AEBP2: variants seen among roughly 807,000 people sequenced by gnomAD.
AEBP2 encodes zinc finger protein AEBP2.
Under a neutral mutation model 50.8 loss-of-function variants are expected in AEBP2, and 10 were observed. The observed-to-expected ratio is 0.20, with a 90% CI of 0.12 to 0.33. AEBP2 has a LOEUF of 0.33. AEBP2 is among the 10% of genes least tolerant of loss of function. The pLI, the probability that AEBP2 is intolerant of heterozygous loss-of-function variation, is 1.00. For synonymous variants in AEBP2, 296 were observed against 261.3 expected, an observed-to-expected ratio of 1.13 and a Z score of -1.28; for missense variants, 570 against 688.0, an observed-to-expected ratio of 0.83 and a Z score of 1.92.
chr12:19,416,709 C>T (rs1394592725), intron 1 of AEBP2, among the ~76,000 whole-genome samples: 6 of 151,022 alleles, frequency 4.0e-5, no homozygotes, highest in East Asian at 1.9e-4. Context: ...CTGCAGCCTC[C>T]GCTTCCTGGG....
intron 1 of AEBP2, among the ~76,000 whole-genome samples, chr12:19,419,576 G>A (rs1161659690): frequency 1.3e-5 from 2 of 151,188 alleles, no homozygotes; most frequent in Non-Finnish European, 2.9e-5. Flanking sequence ...GCGACAGAGA[G>A]AGACTCCGTC....
chr12:19,452,540 C>G (rs966661746), intron 1 of AEBP2, among the ~76,000 whole-genome samples: 2 of 151,258 alleles, frequency 1.3e-5, no homozygotes, highest in African/African-American at 4.9e-5. Context: ...CTTGAAGTAC[C>G]TGTTTCATTT....
upstream of AEBP2, among the ~76,000 whole-genome samples, chr12:19,437,853 G>A (rs902870308): frequency 2.0e-5 from 3 of 152,190 alleles, no homozygotes; most frequent in African/African-American, 4.8e-5. Context: ...CTAAGGCAGA[G>A]GATGTAATAC....
At chr12:19,445,439 C>T (rs552704432) in intron 1 of AEBP2, among the ~76,000 whole-genome samples, 13 of 149,308 alleles carry the variant, frequency 8.7e-5, no homozygotes, top group African/African-American at 3.0e-4. Context: ...GTCTCAAACT[C>T]TTGACCTCAA....
chr12:19,425,773 CAA>C (rs11317571), intron 1 of AEBP2, among the ~76,000 whole-genome samples: 13 of 47,916 alleles, frequency 2.7e-4, no homozygotes, highest in African/African-American at 3.6e-4. Flanking sequence ...GACTCCATCT[CAA>C]AAAAAAAAAA....
intron 4 of AEBP2, among the ~76,000 whole-genome samples, chr12:19,494,385 G>A (rs985601032): frequency 2.0e-5 from 3 of 151,936 alleles, no homozygotes; most frequent in East Asian, 1.9e-4. Context: ...GCAGTGAGCC[G>A]TGATCGCGCC....
chr12:19,429,978 G>T (rs1255430520), intron 1 of AEBP2, among the ~76,000 whole-genome samples: 5 of 152,212 alleles, frequency 3.3e-5, no homozygotes, highest in Middle Eastern at 3.4e-3. Flanking sequence ...CTATTTAGTT[G>T]AATTAGATCC....
rs1592714789 is a variant in AEBP2 at position 19,440,147 on chromosome 12, G to A, written c.448G>A (p.Gly150Arg). ...CCCCGGCGCCGCCAGCAGCAGCAGC[G>A]GGGATGGGGACGGCAAGGAGGGCCT... ...LSPGAASSSS[G>R]DGDGKEGLEE... Residue 150 changes from glycine (G) to arginine (R), a missense_variant, in exon 1 of 8, where the codon GGG becomes AGG. Physicochemically the swap from Gly to Arg is moderately radical, Grantham distance 125. Around this residue, in one of 2 missense-constraint regions of AEBP2, gnomAD observed 386 missense variants for 336.8 expected, o/e 1.15. Transcript: ENST00000266508. The A allele has an allele frequency of 1.3e-6, 2 of 1,507,138 alleles. No homozygotes were observed. Among genetic ancestry groups the A allele is most frequent in the East Asian group, 5.3e-5 (2 of 37,502 alleles). 93.4% of individuals were successfully genotyped at this position (1,507,138 alleles called of 1,614,324 possible).
At chr12:19,453,917 C>T (rs1948213864) in intron 1 of AEBP2, among the ~76,000 whole-genome samples, 1 of 152,116 alleles carries the variant, frequency 6.6e-6, no homozygotes, top group Admixed American at 6.5e-5. Context: ...CCCCCCTCGG[C>T]CTCCCAAAGT....
At chr12:19,448,543 A>G (rs564605255) in intron 1 of AEBP2, among the ~76,000 whole-genome samples, 2 of 152,102 alleles carry the variant, frequency 1.3e-5, no homozygotes, top group South Asian at 2.1e-4. Context: ...TGCCTTCTGC[A>G]CTCACTCAGT....
intron 1 of AEBP2, among the ~76,000 whole-genome samples, chr12:19,441,700 T>G (rs1322708447): frequency 2.0e-5 from 3 of 152,190 alleles, no homozygotes; most frequent in Non-Finnish European, 2.9e-5. Context: ...TGTATAAACC[T>G]TAGAAAAATT....
chr12:19,412,497 C>T (rs917067949), intron 1 of AEBP2, among the ~76,000 whole-genome samples: 1 of 152,008 alleles, frequency 6.6e-6, no homozygotes, highest in Non-Finnish European at 1.5e-5. Flanking sequence ...CCAGGATGGT[C>T]TCGATGTCTT....
At chr12:19,427,271 G>A (rs974805386) in intron 1 of AEBP2, among the ~76,000 whole-genome samples, 32 of 151,586 alleles carry the variant, frequency 2.1e-4, no homozygotes, top group African/African-American at 7.0e-4. Flanking sequence ...CAGCTACTCT[G>A]GAAGCTGAGG....
In AEBP2 at chr12:19,446,621, A is replaced by G. The variant is rs544295965; in HGVS notation, c.671+6251A>G. ...GTGGCGGGCACCTGTAGTCCCAGCT[A>G]CTTGGGAGACTGAGGCAGGAGAACG... is the stretch of plus-strand genomic sequence containing the variant. On this transcript the variant is annotated intron_variant, in intron 1 of 7. Transcript: ENST00000266508. Among the ~76,000 whole-genome samples the G allele has an allele frequency of 8.0e-3, 1,220 of 152,122 alleles. 18 individuals are homozygous for G. Among genetic ancestry groups the G allele is most frequent in the African/African-American group, 0.028 (1,146 of 41,514 alleles).
chr12:19,453,438 GAGA>G (rs1948203437), intron 1 of AEBP2, among the ~76,000 whole-genome samples: 10 of 96,542 alleles, frequency 1.0e-4, no homozygotes, highest in Non-Finnish European at 2.2e-4. Flanking sequence ...CTTTTTTTTT[GAGA>G]AGGAGTCTTG....
chr12:19,470,329 G>C (rs1297208730), intron 2 of AEBP2, among the ~76,000 whole-genome samples: 1 of 151,988 alleles, frequency 6.6e-6, no homozygotes, highest in Non-Finnish European at 1.5e-5. Context: ...GGCTAATTTT[G>C]TATTTTCAGT....
chr12:19,469,799 C>T (rs954041796), intron 2 of AEBP2, among the ~76,000 whole-genome samples: 5 of 152,194 alleles, frequency 3.3e-5, no homozygotes, highest in African/African-American at 7.2e-5. Flanking sequence ...ACACAATTTG[C>T]TGTACCATGA....
intron 1 of AEBP2, among the ~76,000 whole-genome samples, chr12:19,426,605 G>A (rs943212348): frequency 5.9e-5 from 9 of 152,106 alleles, no homozygotes; most frequent in Admixed American, 2.6e-4. Flanking sequence ...CCAGATAGCT[G>A]GTTAAACATT....
intron 1 of AEBP2, among the ~76,000 whole-genome samples, chr12:19,409,335 C>T (rs2095738039): frequency 7.4e-6 from 1 of 134,322 alleles, no homozygotes; most frequent in African/African-American, 2.9e-5. Flanking sequence ...AACTTTCTGC[C>T]TTCAGCATTT....
Sources: gnomAD v4.1 joint callset for allele counts (sites outside exome capture counted in the v4.1 genomes callset) on GRCh38, gnomAD v4.1.1 for gene constraint, gnomAD v4.1.1 regional missense constraint, MANE v1.5 for transcripts, NCBI Gene and HGNC (gene_info 2026-07-23, HGNC 2026-07-21) for gene names.